Variants in CNTNAP2 observed in about 807,000 individuals in gnomAD.
CNTNAP2 encodes the protein contactin associated protein 2, also known as contactin-associated protein-like 2.
Under a neutral mutation model 155.2 loss-of-function variants are expected in CNTNAP2, and 98 were observed. That is an observed-to-expected ratio of 0.63 (90% CI 0.54 to 0.75). The LOEUF is 0.75. CNTNAP2 is among the 30% of genes least tolerant of loss of function. The pLI, the probability that CNTNAP2 is intolerant of heterozygous loss-of-function variation, is 0.00. For missense variants in CNTNAP2, 1,727 were observed against 1,688.1 expected (o/e 1.02, Z -0.40); for synonymous variants, 651 against 631.2 (o/e 1.03, Z -0.47).
chr7:147,058,663 G>A (rs1799607108), intron 4 of CNTNAP2, among the ~76,000 whole-genome samples: 1 of 152,158 alleles, frequency 6.6e-6, no homozygotes, highest in Admixed American at 6.5e-5. Context: ...CTGGAGTGCA[G>A]TGGCGTGATC....
chr7:148,254,613 A>G (rs983494332), intron 20 of CNTNAP2, among the ~76,000 whole-genome samples: 1 of 152,032 alleles, frequency 6.6e-6, no homozygotes. Flanking sequence ...CGTCTCAACT[A>G]AAAATACAAA....
intron 1 of CNTNAP2, among the ~76,000 whole-genome samples, chr7:146,224,628 G>T (rs1799262862): frequency 6.6e-6 from 1 of 151,704 alleles, no homozygotes; most frequent in African/African-American, 2.4e-5. Context: ...AAGTAGCCGG[G>T]CTTGGTGGTG....
At chr7:146,215,923 T>C (rs1409149897) in intron 1 of CNTNAP2, among the ~76,000 whole-genome samples, 1 of 152,206 alleles carries the variant, frequency 6.6e-6, no homozygotes, top group Non-Finnish European at 1.5e-5. Context: ...TAAAGCAGAT[T>C]CTTAGATGAA....
At chr7:147,031,665 C>T (rs1240442314) in intron 3 of CNTNAP2, among the ~76,000 whole-genome samples, 1 of 152,234 alleles carries the variant, frequency 6.6e-6, no homozygotes, top group Non-Finnish European at 1.5e-5. Flanking sequence ...TGCCTGTAAT[C>T]CCAGCACTTT....
intron 1 of CNTNAP2, among the ~76,000 whole-genome samples, chr7:146,255,498 T>C (rs1799823756): frequency 6.6e-6 from 1 of 152,216 alleles, no homozygotes; most frequent in Non-Finnish European, 1.5e-5. Context: ...TTCACTTCTT[T>C]GGCTTTCCTT....
At chr7:146,230,740 G>T (rs971584709) in intron 1 of CNTNAP2, among the ~76,000 whole-genome samples, 1 of 152,190 alleles carries the variant, frequency 6.6e-6, no homozygotes, top group Non-Finnish European at 1.5e-5. Flanking sequence ...TATTGGCCGG[G>T]CACGGTGGCT....
chr7:147,166,179 T>A (rs1217047887), intron 8 of CNTNAP2, among the ~76,000 whole-genome samples: 1 of 152,038 alleles, frequency 6.6e-6, no homozygotes, highest in Non-Finnish European at 1.5e-5. Flanking sequence ...GATAGATAGA[T>A]AGATAGATAG....
At chr7:147,361,721 T>G (rs922354707) in intron 9 of CNTNAP2, among the ~76,000 whole-genome samples, 1 of 152,334 alleles carries the variant, frequency 6.6e-6, no homozygotes, top group African/African-American at 2.4e-5. Context: ...TCTGTTTTTT[T>G]TAACTGCCAC....
At position 148,189,623 on chromosome 7, in the gene CNTNAP2, T is replaced by C. The variant is rs542433004; in HGVS notation, c.3010+17145T>C. ...ACAAGAGGGCTCTCACAAGACGACA[T>C]CCCCTCGATCTTGAACTTTCCAGTC... On this transcript the variant is annotated intron_variant, in intron 18 of 23. Transcript: ENST00000361727. 3.8e-4 allele frequency among the ~76,000 whole-genome samples: 58 copies of C among 152,224 alleles called. 1 individual carries two copies. Among genetic ancestry groups the C allele is most frequent in the African/African-American group, 1.3e-3 (55 of 41,528 alleles).
intron 13 of CNTNAP2, among the ~76,000 whole-genome samples, chr7:147,663,160 G>A (rs1462112609): frequency 2.2e-5 from 3 of 137,874 alleles, no homozygotes; most frequent in East Asian, 2.2e-4. Context: ...AACCACGCCC[G>A]GCTAATTTTT....
intron 13 of CNTNAP2, among the ~76,000 whole-genome samples, chr7:147,739,611 A>G (rs1796922012): frequency 6.6e-6 from 1 of 152,058 alleles, no homozygotes; most frequent in Admixed American, 6.5e-5. Context: ...TTTATTTCAG[A>G]GAAAATCATC....
intron 13 of CNTNAP2, among the ~76,000 whole-genome samples, chr7:147,833,902 C>G (rs1164724800): frequency 2.0e-5 from 3 of 152,118 alleles, no homozygotes; most frequent in African/African-American, 7.2e-5. Flanking sequence ...GGTACCCCAG[C>G]TGGGGAGCGA....
chr7:147,099,779 A>G (rs987280939), intron 4 of CNTNAP2, among the ~76,000 whole-genome samples: 1 of 152,182 alleles, frequency 6.6e-6, no homozygotes, highest in Non-Finnish European at 1.5e-5. Flanking sequence ...TCATCTGTGT[A>G]GCATTTACTT....
intron 14 of CNTNAP2, among the ~76,000 whole-genome samples, chr7:147,929,313 A>T (rs1800457121): frequency 6.6e-6 from 1 of 151,988 alleles, no homozygotes; most frequent in Non-Finnish European, 1.5e-5. Flanking sequence ...CTAATTGGAC[A>T]CTATAGGGAC....
intron 1 of CNTNAP2, among the ~76,000 whole-genome samples, chr7:146,351,913 A>G (rs1794919856): frequency 6.6e-6 from 1 of 152,184 alleles, no homozygotes; most frequent in Non-Finnish European, 1.5e-5. Context: ...TGCTCTCTTG[A>G]GTTTTAAAAC....
At chr7:147,609,923 T>C (rs1801149944) in intron 12 of CNTNAP2, among the ~76,000 whole-genome samples, 1 of 152,076 alleles carries the variant, frequency 6.6e-6, no homozygotes, top group African/African-American at 2.4e-5. Context: ...GCCCAGAGCA[T>C]AGGGGATAGT....
chr7:147,802,065 A>G (rs1268679657), intron 13 of CNTNAP2, among the ~76,000 whole-genome samples: 78 of 130,486 alleles, frequency 6.0e-4, no homozygotes, highest in Middle Eastern at 4.6e-3. Context: ...CAGACGGGGC[A>G]GTTGCCGGGC....
chr7:147,408,533 G>T (rs1359091219), intron 10 of CNTNAP2, among the ~76,000 whole-genome samples: 4 of 152,192 alleles, frequency 2.6e-5, no homozygotes, highest in African/African-American at 9.6e-5. Context: ...GGCTGACGCG[G>T]GCGGATCACG....
chr7:146,955,568 G>C (rs1294444970), intron 3 of CNTNAP2, among the ~76,000 whole-genome samples: 1 of 151,880 alleles, frequency 6.6e-6, no homozygotes, highest in East Asian at 1.9e-4. Context: ...ATCATTTATT[G>C]TTTCAAATTA....
Sources: gnomAD v4.1 joint callset for allele counts (sites outside exome capture counted in the v4.1 genomes callset) on GRCh38, gnomAD v4.1.1 for gene constraint, MANE v1.5 for transcripts, NCBI Gene and HGNC (gene_info 2026-07-23, HGNC 2026-07-21) for gene names.